The following DNM3 variants were observed in gnomAD, a reference collection of about 807,000 sequenced individuals.
DNM3 encodes dynamin-3.
A neutral mutation model predicts 101.6 loss-of-function variants in DNM3; 47 were observed. The ratio of observed to expected loss-of-function variants is 0.46; its 90% CI spans 0.37 to 0.59. DNM3 has a LOEUF of 0.59. Among genes scored for constraint, DNM3 ranks in the 20% least tolerant of loss-of-function variants. The pLI is 0.00. For synonymous variants in DNM3, 385 were observed against 387.9 expected, an observed-to-expected ratio of 0.99 and a Z score of 0.09; for missense variants, 849 against 1,085.7, an observed-to-expected ratio of 0.78 and a Z score of 3.06.
intron 17 of DNM3, among the ~76,000 whole-genome samples, chr1:172,355,064 A>G (rs2067382829): frequency 6.6e-6 from 1 of 152,186 alleles, no homozygotes; most frequent in Non-Finnish European, 1.5e-5. Flanking sequence ...TTGAGATTCA[A>G]ATATGTATCA....
rs995771288 is a variant in DNM3, at chr1:172,323,789, G to A, written c.1893+449G>A. ...AAATAGCAGTATGGCTGGCTTTGTT[G>A]ACGAAACTGAACTAGATCAGTGTTC... On this transcript the variant is annotated intron_variant, in intron 17 of 20. Coordinates refer to ENST00000627582, the MANE Select transcript of DNM3 (RefSeq NM_015569.5). Among the ~76,000 whole-genome samples the A allele has an allele frequency of 7.2e-5, 11 of 152,142 alleles. No homozygotes were observed. The East Asian group carries it at 1.3e-3, about 19-fold the overall frequency.
intron 2 of DNM3, among the ~76,000 whole-genome samples, chr1:171,971,687 GTGT>G (rs2044004365): frequency 1.3e-5 from 2 of 152,086 alleles, no homozygotes; most frequent in Non-Finnish European, 2.9e-5. Context: ...GAAGCACAAT[GTGT>G]AATTGAAGGC....
chr1:172,145,521 C>G (rs2057845392), intron 14 of DNM3, among the ~76,000 whole-genome samples: 1 of 152,004 alleles, frequency 6.6e-6, no homozygotes, highest in Admixed American at 6.6e-5. Flanking sequence ...AAGTGAAGCC[C>G]CCATGAAAAG....
intron 14 of DNM3, among the ~76,000 whole-genome samples, chr1:172,224,759 T>C (rs2061040014): frequency 1.3e-5 from 2 of 152,208 alleles, no homozygotes; most frequent in South Asian, 4.1e-4. Context: ...TTTTAAACAT[T>C]AGAACACTTT....
At chr1:172,078,311 C>A (rs1028956141) in intron 11 of DNM3, among the ~76,000 whole-genome samples, 4 of 152,192 alleles carry the variant, frequency 2.6e-5, no homozygotes, top group African/African-American at 9.7e-5. Context: ...CCAGGATGTT[C>A]TCTATCTCCT....
chr1:172,346,160 G>T, intron 17 of DNM3, among the ~76,000 whole-genome samples: 1 of 151,256 alleles, frequency 6.6e-6, no homozygotes, highest in African/African-American at 2.4e-5. Context: ...AGAAAAAGAT[G>T]TAGATTAGCA....
chr1:171,970,213 TAAC>T lies in DNM3; in HGVS notation c.236-17440_236-17438del, dbSNP rs763934030. On this transcript the variant is annotated intron_variant, in intron 2 of 20. Transcript: ENST00000627582. ...TGAAATAATTTTTAAAATAATCCAATAACAAACTCAGAACTACTGAAGAATAAT... is the reference window on the plus strand; with the variant it reads ...TGAAATAATTTTTAAAATAATCCAATAAACTCAGAACTACTGAAGAATAAT... 34 of 584,786 alleles carry T rather than the reference TAAC, an allele frequency of 5.8e-5. No homozygotes were observed. The Admixed American group carries it at 1.0e-3, about 17-fold the overall frequency. The allele number at this position is 584,786 out of a possible 1,614,324, so 36.2% of individuals were successfully genotyped here.
At chr1:172,202,467 C>T (rs11810189) in intron 14 of DNM3, among the ~76,000 whole-genome samples, 13,270 of 152,060 alleles carry the variant, frequency 0.087, 697 homozygotes, top group Middle Eastern at 0.15. Context: ...TGGTTAATCA[C>T]GCTTTCAAAT....
chr1:171,885,568 G>A (rs892115550), intron 1 of DNM3, among the ~76,000 whole-genome samples: 6 of 152,120 alleles, frequency 3.9e-5, no homozygotes, highest in African/African-American at 1.4e-4. Flanking sequence ...GCTTTCTTAG[G>A]CCTAAAATTT....
At chr1:171,939,752 G>C (rs2041688924) in intron 2 of DNM3, among the ~76,000 whole-genome samples, 1 of 152,108 alleles carries the variant, frequency 6.6e-6, no homozygotes, top group Non-Finnish European at 1.5e-5. Flanking sequence ...GAATAGACTT[G>C]TTTTATATCA....
intron 14 of DNM3, among the ~76,000 whole-genome samples, chr1:172,242,227 G>A (rs1316391809): frequency 1.3e-5 from 2 of 152,122 alleles, no homozygotes; most frequent in African/African-American, 4.8e-5. Flanking sequence ...CTGGGGCAGG[G>A]CAAGAAATGG....
intron 20 of DNM3, chr1:172,397,349 T>G (rs2070092913): frequency 6.6e-6 from 1 of 152,624 alleles, no homozygotes; most frequent in Non-Finnish European, 1.5e-5. Context: ...TCCCGCCAAA[T>G]ACCTGGGTCT....
intron 2 of DNM3, among the ~76,000 whole-genome samples, chr1:171,972,574 G>A (rs2044072858): frequency 6.6e-6 from 1 of 152,216 alleles, no homozygotes; most frequent in Non-Finnish European, 1.5e-5. Flanking sequence ...CCTAGGCTTG[G>A]CGCAGTGGCT....
chr1:172,306,469 G>T (rs1045946113), intron 15 of DNM3, among the ~76,000 whole-genome samples: 1 of 151,994 alleles, frequency 6.6e-6, no homozygotes, highest in South Asian at 2.1e-4. Context: ...TAATTTATAG[G>T]TTCAATGCCA....
intron 14 of DNM3, among the ~76,000 whole-genome samples, chr1:172,246,131 A>C (rs2061944057): frequency 6.6e-6 from 1 of 152,164 alleles, no homozygotes; most frequent in East Asian, 1.9e-4. Flanking sequence ...AGCAAGGGGG[A>C]AATCCACCCC....
At chr1:172,173,000 C>G (rs967848473) in intron 14 of DNM3, among the ~76,000 whole-genome samples, 1 of 151,840 alleles carries the variant, frequency 6.6e-6, no homozygotes, top group African/African-American at 2.4e-5. Context: ...AGTAAGCTAC[C>G]ATTACAGGTG....
intron 16 of DNM3, among the ~76,000 whole-genome samples, chr1:172,316,947 C>T (rs1391690677): frequency 6.6e-6 from 1 of 152,140 alleles, no homozygotes; most frequent in East Asian, 1.9e-4. Flanking sequence ...TTTTTTTCAG[C>T]ACCGCACCAC....
At chr1:172,393,356 T>A (rs2069693388) in intron 20 of DNM3, 1 of 152,326 alleles carries the variant, frequency 6.6e-6, no homozygotes, top group South Asian at 2.1e-4. Context: ...GGATACGATC[T>A]CCTTGTTTCG....
chr1:172,199,487 G>T (rs1189519539), intron 14 of DNM3, among the ~76,000 whole-genome samples: 2 of 152,120 alleles, frequency 1.3e-5, no homozygotes, highest in African/African-American at 4.8e-5. Flanking sequence ...TTGTTGATCT[G>T]TCTAATACTG....
Sources: allele counts gnomAD v4.1 joint callset (sites outside exome capture counted in the v4.1 genomes callset), GRCh38; gene constraint gnomAD v4.1.1; transcripts MANE v1.5; gene names NCBI Gene and HGNC (gene_info 2026-07-23, HGNC 2026-07-21).